The following EEF2K variants were observed in gnomAD, a reference collection of about 807,000 sequenced individuals.
EEF2K encodes alternative protein EEF2K.
EEF2K carries 70 observed loss-of-function variants against 93.8 expected under a neutral mutation model. The ratio of observed to expected loss-of-function variants is 0.75; its 90% CI spans 0.62 to 0.91. The LOEUF is 0.91. Among genes scored for constraint, EEF2K ranks in the 40% least tolerant of loss-of-function variants. The pLI is 0.00. For missense variants in EEF2K, 935 were observed against 972.9 expected, an observed-to-expected ratio of 0.96 and a Z score of 0.52; for synonymous variants, 376 against 380.8, an observed-to-expected ratio of 0.99 and a Z score of 0.15.
chr16:22,272,487 C>T (rs2047592275), intron 15 of EEF2K, among the ~76,000 whole-genome samples: 1 of 152,090 alleles, frequency 6.6e-6, no homozygotes, highest in Non-Finnish European at 1.5e-5. Context: ...AATAGGCAAT[C>T]CATAGAGACA....
intron 16 of EEF2K, among the ~76,000 whole-genome samples, chr16:22,279,982 C>T: frequency 6.6e-6 from 1 of 152,042 alleles, no homozygotes; most frequent in Non-Finnish European, 1.5e-5. Context: ...GGCAACAGAG[C>T]AAGACTCTGT....
At chr16:22,228,805 C>CGG (rs1338244919) in intron 2 of EEF2K, among the ~76,000 whole-genome samples, 4 of 152,102 alleles carry the variant, frequency 2.6e-5, no homozygotes, top group Non-Finnish European at 5.9e-5. Flanking sequence ...CAGAAATACG[C>CGG]GGGGGTCTGG....
chr16:22,221,454 A>T (rs918442077), intron 1 of EEF2K, among the ~76,000 whole-genome samples: 2 of 152,110 alleles, frequency 1.3e-5, no homozygotes, highest in Non-Finnish European at 2.9e-5. Flanking sequence ...AGCCAGGGCA[A>T]CCTGTCTCTA....
chr16:22,259,244 T>C (rs1020778077), intron 10 of EEF2K, among the ~76,000 whole-genome samples: 3 of 152,162 alleles, frequency 2.0e-5, no homozygotes, highest in African/African-American at 7.2e-5. Context: ...TAGGAAAGGA[T>C]AGAGGCAAGA....
Position 22,206,568 on chromosome 16 carries a change from CG to C in EEF2K, c.-182del. On this transcript the variant is annotated 5_prime_UTR_variant, in exon 1 of 18. Transcript: ENST00000263026. ...CCCGCTCTCCGCTCCCCGGCACTCTCGGGGGGCCCGCCCGCCCTGCACCCTG... is the reference window on the plus strand; with the variant it reads ...CCCGCTCTCCGCTCCCCGGCACTCTCGGGGGCCCGCCCGCCCTGCACCCTG... 1 of 152,488 alleles carries C rather than the reference CG, an allele frequency of 6.6e-6. No homozygotes were observed. Among genetic ancestry groups the C allele is most frequent in the Non-Finnish European group, 1.5e-5 (1 of 68,258 alleles). 9.4% of individuals were successfully genotyped at this position (152,488 alleles called of 1,614,324 possible). A position where few individuals can be genotyped will look rare whatever the true frequency, so the allele number is the denominator to read the frequency against.
In EEF2K at chr16:22,283,980, C is replaced by T; in HGVS notation, c.2162C>T (p.Ala721Val). 6.3e-7 allele frequency: 1 copy of T among 1,580,934 alleles called. No individual in the cohort carries two copies. The change falls in exon 18 of 18, where the codon GCC becomes GTC. Residue 721 changes from alanine (A) to valine (V), a missense_variant. Physicochemically the swap from Ala to Val is moderately conservative, Grantham distance 64. Coordinates refer to ENST00000263026, the MANE Select transcript of EEF2K (RefSeq NM_013302.5). ...TACCAAAAGGCTGAAGAGGCCTGGG[C>T]CCAGATGGAGGAGTAACCAGGAAAA... Reference protein sequence around the residue: ...QYYQKAEEAWAQMEE With the variant: ...QYYQKAEEAWVQMEE
intron 1 of EEF2K, among the ~76,000 whole-genome samples, chr16:22,215,325 C>T (rs1483238305): frequency 6.6e-6 from 1 of 152,132 alleles, no homozygotes; most frequent in Non-Finnish European, 1.5e-5. Flanking sequence ...CCTCCAGACC[C>T]TATTCGCCTG....
intron 2 of EEF2K, among the ~76,000 whole-genome samples, chr16:22,231,463 C>T (rs1259120436): frequency 6.6e-6 from 1 of 151,870 alleles, no homozygotes; most frequent in Non-Finnish European, 1.5e-5. Context: ...TTGGTATCTG[C>T]ATAGCAAAAA....
At chr16:22,213,749 C>T (rs759236275) in intron 1 of EEF2K, among the ~76,000 whole-genome samples, 5 of 152,138 alleles carry the variant, frequency 3.3e-5, no homozygotes, top group Admixed American at 2.0e-4. Context: ...GGGCTCCTGG[C>T]CCCTCCCTTC....
At chr16:22,260,107 C>T (rs937550325) in intron 10 of EEF2K, among the ~76,000 whole-genome samples, 3 of 152,288 alleles carry the variant, frequency 2.0e-5, no homozygotes, top group South Asian at 2.1e-4. Flanking sequence ...AATGTATAAA[C>T]GTCTGTTCTT....
Position 22,263,141 on chromosome 16 carries a change from C to G in EEF2K, c.1331C>G (p.Pro444Arg), listed in dbSNP as rs1461070106. The change falls in exon 12 of 18, where the codon CCC becomes CGC. Residue 444 changes from proline (P) to arginine (R), a missense_variant. Transcript: ENST00000263026. ...GAGAATAGTGGGGACAGCGGATACCCCAGTGAGAAGCGGGGTGAGCTGGAT... is the reference window on the plus strand; with the variant it reads ...GAGAATAGTGGGGACAGCGGATACCGCAGTGAGAAGCGGGGTGAGCTGGAT... ...ESENSGDSGY[P>R]SEKRGELDDP... 2 of 1,612,512 alleles carry G rather than the reference C, an allele frequency of 1.2e-6. No homozygotes were observed. The highest frequency in any genetic ancestry group is 1.7e-6 in the Non-Finnish European group (2 of 1,179,260).
chr16:22,252,456 C>T (rs1273026261), intron 6 of EEF2K, among the ~76,000 whole-genome samples: 2 of 152,158 alleles, frequency 1.3e-5, no homozygotes, highest in Non-Finnish European at 2.9e-5. Context: ...ATAAAAGTCC[C>T]AGAGCTGCGT....
intron 16 of EEF2K, among the ~76,000 whole-genome samples, chr16:22,279,700 C>T (rs1302994085): frequency 4.6e-5 from 7 of 152,032 alleles, no homozygotes; most frequent in Admixed American, 4.6e-4. Flanking sequence ...CAACTGCTCT[C>T]TTAATAAATA....
rs769726543 is a variant in EEF2K at position 22,266,706 on chromosome 16, C to T, written c.1594C>T (p.Arg532Cys). The T allele has an allele frequency of 1.4e-5, 23 of 1,610,512 alleles. No homozygotes were observed. The highest frequency in any genetic ancestry group is 2.2e-5 in the South Asian group (2 of 90,312). ...GTGGCAGGTCCATCTGGCCATGGTG[C>T]GCTACCACGAGGGTGGGCGCTTCTG... ...ILGKVHLAMV[R>C]YHEGGRFCEK... Residue 532 changes from arginine to cysteine, a missense_variant, in exon 15 of 18, where the codon CGC becomes TGC. By Grantham distance (180) the Arg-to-Cys change is radical. Coordinates refer to ENST00000263026, the MANE Select transcript of EEF2K (RefSeq NM_013302.5).
chr16:22,273,482 A>C, intron 15 of EEF2K, 144 bp from the exon 16 acceptor site: 1 of 1,201,200 alleles, frequency 8.3e-7, no homozygotes, highest in Non-Finnish European at 1.2e-6. Context: ...TCTGGAGTCA[A>C]GTGCCCCCTC....
At chr16:22,261,676 C>T (rs559893239) in intron 11 of EEF2K, among the ~76,000 whole-genome samples, 6 of 142,832 alleles carry the variant, frequency 4.2e-5, no homozygotes, top group Non-Finnish European at 7.5e-5. Context: ...GGCGACAGAG[C>T]GAGACTCAGT....
At chr16:22,218,301 G>A (rs954350543) in intron 1 of EEF2K, among the ~76,000 whole-genome samples, 6 of 152,234 alleles carry the variant, frequency 3.9e-5, no homozygotes, top group South Asian at 2.1e-4. Flanking sequence ...AGTCAAGGGC[G>A]TGTGGGTTGT....
At chr16:22,279,558 A>G (rs2047672944) in intron 16 of EEF2K, among the ~76,000 whole-genome samples, 1 of 152,208 alleles carries the variant, frequency 6.6e-6, no homozygotes. Flanking sequence ...ATTGTGGTAT[A>G]AACAATTTCT....
At chr16:22,257,032 G>A in intron 7 of EEF2K, 135 bp downstream of exon 7, 1 of 1,443,362 alleles carries the variant, frequency 6.9e-7, no homozygotes, top group South Asian at 1.4e-5. Context: ...GGAGCATTCA[G>A]AAGGAGACCC....
Sources: allele counts gnomAD v4.1 joint callset (sites outside exome capture counted in the v4.1 genomes callset), GRCh38; gene constraint gnomAD v4.1.1; transcripts MANE v1.5; gene names NCBI Gene and HGNC (gene_info 2026-07-23, HGNC 2026-07-21).